PCSK6: variants seen among roughly 807,000 people sequenced by gnomAD.
The protein encoded by PCSK6 is paired basic amino acid cleaving enzyme 4.
A neutral mutation model predicts 123.3 loss-of-function variants in PCSK6; 85 were observed. The observed-to-expected ratio is 0.69, with a 90% CI of 0.58 to 0.83. The LOEUF is 0.83. PCSK6 is among the 40% of genes least tolerant of loss of function. PCSK6 has a pLI of 0.00. For synonymous variants in PCSK6, 508 were observed against 516.0 expected, an observed-to-expected ratio of 0.98 and a Z score of 0.21; for missense variants, 1,191 against 1,282.3, an observed-to-expected ratio of 0.93 and a Z score of 1.09.
intron 2 of PCSK6, among the ~76,000 whole-genome samples, chr15:101,440,600 C>T (rs1162634564): frequency 6.6e-6 from 1 of 152,242 alleles, no homozygotes; most frequent in Non-Finnish European, 1.5e-5. Flanking sequence ...AGCCCCATAA[C>T]ATTCATTTCC....
At chr15:101,358,086 C>T (rs906843119) in intron 13 of PCSK6, among the ~76,000 whole-genome samples, 1 of 152,140 alleles carries the variant, frequency 6.6e-6, no homozygotes, top group Non-Finnish European at 1.5e-5. Context: ...CCCAGTGGAT[C>T]GGGTGGGGAA....
In PCSK6 at chr15:101,453,879, C is replaced by T. The variant is rs148696865; in HGVS notation, c.298-10219G>A. Among the ~76,000 whole-genome samples the T allele has an allele frequency of 2.0e-4, 30 of 152,324 alleles. No homozygotes were observed. In the East Asian group the frequency reaches 5.2e-3, roughly 26 times the overall value. ...ACTCTCAGCATAGGGCAGCTCTGCT[C>T]GTGAAGAGTGGACTGTGTCTGTGAC... is the stretch of plus-strand genomic sequence containing the variant. On this transcript the variant is annotated intron_variant, in intron 1 of 21. Coordinates refer to ENST00000611716, the MANE Select transcript of PCSK6 (RefSeq NM_002570.5).
chr15:101,391,987 G>A (rs191603332), intron 8 of PCSK6, among the ~76,000 whole-genome samples: 15 of 152,316 alleles, frequency 9.8e-5, no homozygotes, highest in Non-Finnish European at 1.6e-4. Context: ...CAGATCACAC[G>A]CTGACGTGAT....
chr15:101,324,383 T>A (rs1029744290), intron 17 of PCSK6, among the ~76,000 whole-genome samples: 5 of 152,164 alleles, frequency 3.3e-5, no homozygotes, highest in Non-Finnish European at 7.3e-5. Context: ...TGACCACCAA[T>A]CCCATGTACC....
intron 15 of PCSK6, among the ~76,000 whole-genome samples, chr15:101,327,931 C>T (rs1482888636): frequency 2.0e-5 from 3 of 152,124 alleles, no homozygotes; most frequent in African/African-American, 7.2e-5. Context: ...TCCTGGGTTC[C>T]AGATGCCACT....
At chr15:101,431,276 C>T in intron 4 of PCSK6, 44 bp downstream of exon 4, 1 of 1,606,180 alleles carries the variant, frequency 6.2e-7, no homozygotes, top group Non-Finnish European at 8.5e-7. Context: ...TAATGACCAG[C>T]ACAGTTGAAT....
At chr15:101,314,371 G>A (rs1203630848) in intron 19 of PCSK6, among the ~76,000 whole-genome samples, 1 of 152,188 alleles carries the variant, frequency 6.6e-6, no homozygotes, top group African/African-American at 2.4e-5. Flanking sequence ...GAGAGGGGCA[G>A]TGAAGTAGTC....
intron 13 of PCSK6, among the ~76,000 whole-genome samples, chr15:101,333,483 A>G (rs1057320440): frequency 6.6e-6 from 1 of 152,102 alleles, no homozygotes; most frequent in African/African-American, 2.4e-5. Context: ...CTTTCCTGCC[A>G]TGGGGTTTCT....
rs147755798 is a variant in PCSK6 at position 101,403,813 on chromosome 15, G to A, written c.824-5237C>T. On this transcript the variant is annotated intron_variant, in intron 6 of 21. Transcript: ENST00000611716. The stretch of plus-strand genomic sequence containing the variant: ...CGGCTCACTGCAACCTCCGCCTCCC[G>A]GGTTCAAGTGATTCTCCTGCCTCAG... Among the ~76,000 whole-genome samples the A allele has an allele frequency of 9.8e-3, 1,487 of 152,160 alleles. 19 individuals carry two copies. The highest frequency in any genetic ancestry group is 0.017 in the Middle Eastern group (5 of 294).
chr15:101,377,433 C>T (rs1022522019), intron 11 of PCSK6, among the ~76,000 whole-genome samples: 3 of 152,206 alleles, frequency 2.0e-5, no homozygotes, highest in Non-Finnish European at 4.4e-5. Flanking sequence ...AGCTCAGCCC[C>T]ACAGCACCCC....
chr15:101,401,300 A>G lies in PCSK6; in HGVS notation c.824-2724T>C, dbSNP rs528408096. ...GGAAGAGCCATCTCTTCATAGCTTG[A>G]AAGCCTACTATGAGCAGTAGGAATA... On this transcript the variant is annotated intron_variant, in intron 6 of 21. Coordinates refer to ENST00000611716, the MANE Select transcript of PCSK6 (RefSeq NM_002570.5). Among the ~76,000 whole-genome samples, 7 of 152,352 alleles carry G rather than the reference A, an allele frequency of 4.6e-5. 1 individual carries two copies. In the South Asian group the frequency reaches 1.4e-3, roughly 32 times the overall value.
intron 1 of PCSK6, chr15:101,463,187 C>T (rs1371530705): frequency 2.2e-6 from 1 of 446,860 alleles, no homozygotes; most frequent in African/African-American, 2.0e-5. Flanking sequence ...CTGGTTGGCT[C>T]CTTTGCCCTC....
intron 13 of PCSK6, among the ~76,000 whole-genome samples, chr15:101,362,019 C>T (rs965633332): frequency 2.8e-5 from 4 of 142,246 alleles, no homozygotes; most frequent in South Asian, 2.2e-4. Flanking sequence ...TGCAGTGGCG[C>T]AATCTCAGCT....
At chr15:101,388,603 G>C (rs2042138091) in intron 9 of PCSK6, among the ~76,000 whole-genome samples, 1 of 152,220 alleles carries the variant, frequency 6.6e-6, no homozygotes, top group South Asian at 2.1e-4. Context: ...GTGAGGTGCA[G>C]AATCAGAGGC....
rs766112770 is a variant in PCSK6 at position 101,398,464 on chromosome 15, G to A, written c.936C>T (p.Gly312=). ...YSASWGPDDD[G]KTVDGPGRLA... ...GTCGGCCGGGCCCGTCCACCGTCTT[G>A]CCGTCGTCGTCCGGCCCCCAGCTGG... The change falls in exon 7 of 22, where the codon GGC becomes GGT. Residue 312 remains glycine, a synonymous_variant. Coordinates refer to ENST00000611716, the MANE Select transcript of PCSK6 (RefSeq NM_002570.5). This position sits in a 1 kb window ranked among gnomAD's most constrained non-coding sequence, Gnocchi z 4.6. 2 of 1,613,958 alleles carry A rather than the reference G, an allele frequency of 1.2e-6. No individual in the cohort carries two copies. Among genetic ancestry groups the A allele is most frequent in the Non-Finnish European group, 1.7e-6 (2 of 1,179,850 alleles).
Position 101,427,964 on chromosome 15 carries a change from CACA to C in PCSK6, c.748_750del (p.Cys250del). 9.5e-6 allele frequency: 15 copies of C among 1,580,080 alleles called. No individual in the cohort carries two copies. Among genetic ancestry groups the C allele is most frequent in the African/African-American group, 1.3e-5 (1 of 74,376 alleles). ...TTTGCTGAAGCAGCAACTTCTCCCG[CACA>C]ACGAGTGCCGTGTCTGAAACAAAGG... On this transcript the variant is annotated inframe_deletion, in exon 6 of 22. Coordinates refer to ENST00000611716, the MANE Select transcript of PCSK6 (RefSeq NM_002570.5).
chr15:101,366,449 A>ACCCT, intron 12 of PCSK6, 117 bp from the exon 13 acceptor site: 1 of 1,067,196 alleles, frequency 9.4e-7, no homozygotes. Context: ...CCGTACCCCC[A>ACCCT]GGGTAGCGGG....
chr15:101,368,681 C>T (rs1022600777), intron 12 of PCSK6, among the ~76,000 whole-genome samples: 14 of 152,100 alleles, frequency 9.2e-5, no homozygotes, highest in East Asian at 1.9e-4. Flanking sequence ...ACTAGGTGTG[C>T]GGCTGGAGTG....
At chr15:101,477,223 A>G (rs923304723) in intron 1 of PCSK6, among the ~76,000 whole-genome samples, 1 of 152,110 alleles carries the variant, frequency 6.6e-6, no homozygotes, top group Non-Finnish European at 1.5e-5. Flanking sequence ...TGTATAAGAC[A>G]TTGGTGAATA....
Sources: allele counts gnomAD v4.1 joint callset (sites outside exome capture counted in the v4.1 genomes callset), GRCh38; gene constraint gnomAD v4.1.1; non-coding constraint Gnocchi (gnomAD v3.1); transcripts MANE v1.5; gene names NCBI Gene and HGNC (gene_info 2026-07-23, HGNC 2026-07-21).